Variants in FBXO25 observed in about 807,000 individuals in gnomAD.
The protein encoded by FBXO25 is F-box only protein 25.
Under a neutral mutation model 51.9 loss-of-function variants are expected in FBXO25, and 45 were observed. The observed-to-expected ratio is 0.87, with a 90% CI of 0.68 to 1.11. FBXO25 has a LOEUF of 1.11. Ranked by LOEUF, FBXO25 falls within the 50% of genes most tolerant of loss-of-function variation. The pLI, the probability that FBXO25 is intolerant of heterozygous loss-of-function variation, is 0.00. For synonymous variants in FBXO25, 199 were observed against 151.0 expected (o/e 1.32, Z -2.33); for missense variants, 507 against 428.5 (o/e 1.18, Z -1.62).
intron 7 of FBXO25, among the ~76,000 whole-genome samples, chr8:457,025 G>C (rs1278046367): frequency 6.6e-6 from 1 of 151,342 alleles, no homozygotes; most frequent in African/African-American, 2.5e-5. Flanking sequence ...TGTGCTTTGT[G>C]TGCAGTAGGA....
intron 9 of FBXO25, 36 bp downstream of exon 9, chr8:463,186 T>A: frequency 1.3e-6 from 2 of 1,598,704 alleles, no homozygotes; most frequent in Non-Finnish European, 1.7e-6. Context: ...ATTTCAGGAT[T>A]AAATTTTGGT....
intron 8 of FBXO25, among the ~76,000 whole-genome samples, chr8:460,915 C>T (rs143620651): frequency 3.5e-3 from 537 of 152,188 alleles, no homozygotes; most frequent in Non-Finnish European, 5.8e-3. Flanking sequence ...CCTCAAAAGC[C>T]GTGACTGAAG....
At chr8:419,895 TAAAG>T (rs1205435820) in intron 2 of FBXO25, among the ~76,000 whole-genome samples, 1 of 152,070 alleles carries the variant, frequency 6.6e-6, no homozygotes, top group Non-Finnish European at 1.5e-5. Flanking sequence ...TCCAGAATAA[TAAAG>T]AACACTTAAA....
intron 2 of FBXO25, among the ~76,000 whole-genome samples, chr8:416,718 T>C (rs920843325): frequency 1.3e-5 from 2 of 152,226 alleles, no homozygotes. Context: ...TCTGGTCTTA[T>C]TATTACACAT....
intron 5 of FBXO25, among the ~76,000 whole-genome samples, chr8:441,261 G>A (rs1201121811): frequency 1.3e-5 from 2 of 152,110 alleles, no homozygotes; most frequent in African/African-American, 4.8e-5. Flanking sequence ...AACAAGCAAT[G>A]GCTAAAGGAT....
intron 7 of FBXO25, among the ~76,000 whole-genome samples, chr8:456,991 G>T (rs1585089464): frequency 6.6e-6 from 1 of 152,176 alleles, no homozygotes; most frequent in Non-Finnish European, 1.5e-5. Flanking sequence ...AATTAGCTCA[G>T]TCTAGCCAAA....
intron 2 of FBXO25, among the ~76,000 whole-genome samples, chr8:417,306 A>G (rs887527215): frequency 2.0e-5 from 3 of 152,164 alleles, no homozygotes; most frequent in Non-Finnish European, 4.4e-5. Flanking sequence ...CTACCGTGTT[A>G]AAAACAGACT....
Position 456,345 on chromosome 8 carries a change from G to T in FBXO25, c.661-2024G>T, listed in dbSNP as rs186052596. 1.6e-3 allele frequency among the ~76,000 whole-genome samples: 247 copies of T among 152,278 alleles called. 1 individual carries two copies. The highest frequency in any genetic ancestry group is 5.8e-3 in the African/African-American group (240 of 41,558). Reference sequence around the variant, plus strand: ...CCACCTCAGCCTCCTGGGTGGCTGGGATTATAGGCGTGAGCCACCCGGCCT... The same window carrying T: ...CCACCTCAGCCTCCTGGGTGGCTGGTATTATAGGCGTGAGCCACCCGGCCT... On this transcript the variant is annotated intron_variant, in intron 7 of 9. Coordinates refer to ENST00000350302, the MANE Select transcript of FBXO25 (RefSeq NM_183420.2).
chr8:431,015 AC>A (rs1161850909), intron 2 of FBXO25, among the ~76,000 whole-genome samples: 1 of 152,150 alleles, frequency 6.6e-6, no homozygotes, highest in Admixed American at 6.5e-5. Flanking sequence ...TCATATTCTT[AC>A]CATCTTTTTT....
Position 473,988 on chromosome 8 carries a change from G to C in FBXO25, c.*5184G>C, listed in dbSNP as rs937128871. On this transcript the variant is annotated 3_prime_UTR_variant, in exon 10 of 10. Coordinates refer to ENST00000350302, the MANE Select transcript of FBXO25 (RefSeq NM_183420.2). Reference sequence around the variant, plus strand: ...TTACCTATTTTAAGTGTGCAATTTAGTGGCATTAAATACATTCATACTGTG... The same window carrying C: ...TTACCTATTTTAAGTGTGCAATTTACTGGCATTAAATACATTCATACTGTG... 6.6e-6 allele frequency: 1 copy of C among 152,130 alleles called. No individual in the cohort carries two copies. Among genetic ancestry groups the C allele is most frequent in the African/African-American group, 2.4e-5 (1 of 41,420 alleles). 9.4% of individuals were successfully genotyped at this position (152,130 alleles called of 1,614,324 possible). A position where few individuals can be genotyped will look rare whatever the true frequency, so the allele number is the denominator to read the frequency against.
rs149996709 is a variant in FBXO25 at position 474,588 on chromosome 8, G to A, written c.*5784G>A. On this transcript the variant is annotated 3_prime_UTR_variant, in exon 10 of 10. Coordinates refer to ENST00000350302, the MANE Select transcript of FBXO25 (RefSeq NM_183420.2). The stretch of plus-strand genomic sequence containing the variant: ...TTGCCATCCTAATGAGTGTGAAGTG[G>A]TATCCTGCTGAGATTTTGATTTGCA... 496 of 384,942 alleles carry A rather than the reference G, an allele frequency of 1.3e-3. 5 individuals are homozygous for A. The highest frequency in any genetic ancestry group is 7.2e-3 in the Middle Eastern group (13 of 1,804). 23.8% of individuals were successfully genotyped at this position (384,942 alleles called of 1,614,324 possible). A position where few individuals can be genotyped will look rare whatever the true frequency, so the allele number is the denominator to read the frequency against.
rs1800438204 is a variant in FBXO25, at chr8:470,309, T to C, written c.*1505T>C. 6.6e-6 allele frequency: 1 copy of C among 152,136 alleles called. No homozygotes were observed. Among genetic ancestry groups the C allele is most frequent in the South Asian group, 2.1e-4 (1 of 4,820 alleles). 9.4% of individuals were successfully genotyped at this position (152,136 alleles called of 1,614,324 possible). ...CAGCCAACATCATGAGTCAAACATA[T>C]TTTAAGGCTTTTAAATATATTTCTA... On this transcript the variant is annotated 3_prime_UTR_variant, in exon 10 of 10. Transcript: ENST00000350302.
chr8:407,502 G>T (rs915454630), intron 1 of FBXO25: 1 of 933,238 alleles, frequency 1.1e-6, no homozygotes, highest in Non-Finnish European at 1.3e-6. Flanking sequence ...GCCCACAGGT[G>T]CACCGCGCGT....
chr8:435,525 A>G (rs1440545254), intron 4 of FBXO25, 90 bp from the exon 5 acceptor site: 4 of 1,364,512 alleles, frequency 2.9e-6, no homozygotes, highest in East Asian at 2.4e-5. Context: ...TCCTTTGCCA[A>G]AAATTTTTTT....
At chr8:452,794 C>T (rs752863182) in intron 7 of FBXO25, among the ~76,000 whole-genome samples, 2 of 152,190 alleles carry the variant, frequency 1.3e-5, no homozygotes, top group Admixed American at 6.5e-5. Flanking sequence ...AACAGCGAAG[C>T]TCCAAGGATT....
At chr8:430,937 A>G (rs1294600450) in intron 2 of FBXO25, among the ~76,000 whole-genome samples, 1 of 152,224 alleles carries the variant, frequency 6.6e-6, no homozygotes, top group African/African-American at 2.4e-5. Flanking sequence ...GGGAGTAAAC[A>G]GAAATGTTGA....
intron 9 of FBXO25, chr8:467,570 T>C: frequency 1.3e-6 from 1 of 785,668 alleles, no homozygotes; most frequent in Non-Finnish European, 2.1e-6. Context: ...TGTCCAAATT[T>C]AGTTACCTGA....
At chr8:437,753 T>C (rs11990180) in intron 5 of FBXO25, among the ~76,000 whole-genome samples, 1 of 151,718 alleles carries the variant, frequency 6.6e-6, no homozygotes, top group African/African-American at 2.4e-5. Flanking sequence ...TTTTTTTTTT[T>C]TTACTTTATC....
intron 9 of FBXO25, chr8:467,819 C>A: frequency 6.2e-7 from 1 of 1,600,762 alleles, no homozygotes; most frequent in Non-Finnish European, 8.6e-7. Flanking sequence ...TCATGCACGT[C>A]ATCTTGGCCA....
Sources: gnomAD v4.1 joint callset for allele counts (sites outside exome capture counted in the v4.1 genomes callset) on GRCh38, gnomAD v4.1.1 for gene constraint, MANE v1.5 for transcripts, NCBI Gene and HGNC (gene_info 2026-07-23, HGNC 2026-07-21) for gene names.